VCAN: variants seen among roughly 807,000 people sequenced by gnomAD.
VCAN encodes versican core protein.
Under a neutral mutation model 245.5 loss-of-function variants are expected in VCAN, and 44 were observed. That is an observed-to-expected ratio of 0.18 (90% confidence interval 0.14 to 0.23). The LOEUF (loss-of-function observed/expected upper bound fraction) is 0.23, where lower values mean the gene tolerates loss of function less well. Among genes scored for constraint, VCAN ranks in the 10% least tolerant of loss-of-function variants. The probability of loss-of-function intolerance (pLI) is 1.00; values close to 1 mark genes in which losing one functional copy is unlikely to be tolerated. For missense variants in VCAN, 3,793 were observed against 4,057.9 expected (o/e 0.93, Z 1.77); for synonymous variants, 1,413 against 1,437.0 (o/e 0.98, Z 0.38).
intron 12 of VCAN, among the ~76,000 whole-genome samples, chr5:83,571,816 G>T (rs930219478): frequency 6.6e-6 from 1 of 152,100 alleles, no homozygotes; most frequent in Non-Finnish European, 1.5e-5. Context: ...AGCTTTGAAA[G>T]GTTGTATATA....
chr5:83,556,182 GA>G (rs1372266583), intron 12 of VCAN, among the ~76,000 whole-genome samples: 1 of 152,130 alleles, frequency 6.6e-6, no homozygotes, highest in African/African-American at 2.4e-5. Context: ...TAACTTTTAA[GA>G]GAGGCAATGG....
intron 13 of VCAN, among the ~76,000 whole-genome samples, chr5:83,579,131 A>T (rs919005640): frequency 4.6e-5 from 7 of 152,326 alleles, no homozygotes; most frequent in Admixed American, 2.0e-4. Flanking sequence ...AATACAGAAG[A>T]CAAAAAAGAG....
At chr5:83,510,842 T>TA (rs1198670529) in intron 5 of VCAN, among the ~76,000 whole-genome samples, 7 of 152,028 alleles carry the variant, frequency 4.6e-5, no homozygotes, top group African/African-American at 1.7e-4. Context: ...ATCAGCAAAT[T>TA]AAAAAACCTC....
chr5:83,519,271 G>A (rs572300077), intron 6 of VCAN, 78 bp from the exon 7 acceptor site: 1 of 1,481,420 alleles, frequency 6.8e-7, no homozygotes, highest in Admixed American at 1.8e-5. Context: ...AAAATACTCA[G>A]GAGCACTTAA....
At chr5:83,578,796 A>G (rs2112508829) in intron 13 of VCAN, among the ~76,000 whole-genome samples, 1 of 152,288 alleles carries the variant, frequency 6.6e-6, no homozygotes, top group African/African-American at 2.4e-5. Flanking sequence ...CTTAGGGAAA[A>G]TTATATTTAA....
rs775892313 is a variant in VCAN at position 83,520,950 on chromosome 5, A to G, written c.2644A>G (p.Arg882Gly). 6.2e-7 allele frequency: 1 copy of G among 1,614,174 alleles called. No homozygotes were observed. Among genetic ancestry groups the G allele is most frequent in the Admixed American group, 1.7e-5 (1 of 60,026 alleles). ...DIAAHGKFTI[R>G]FQPTTSTGIA... Reference sequence around the variant, plus strand: ...AGCAGCCCATGGAAAATTCACAATTAGATTTCAGCCAACTACATCAACTGG... The same window carrying G: ...AGCAGCCCATGGAAAATTCACAATTGGATTTCAGCCAACTACATCAACTGG... The change falls in exon 7 of 15, where the codon AGA becomes GGA. Residue 882 changes from arginine (R) to glycine (G), a missense_variant. Arg to Gly is a moderately radical substitution (Grantham distance 125). This residue lies in a region of VCAN where 3,182 missense variants were observed against 3,250.3 expected (regional missense o/e 0.98). Transcript: ENST00000265077.
chr5:83,576,203 A>G (rs1389570974), intron 13 of VCAN, among the ~76,000 whole-genome samples: 6 of 152,110 alleles, frequency 3.9e-5, no homozygotes, highest in Non-Finnish European at 5.9e-5. Flanking sequence ...CTCCCACCAG[A>G]GATAATGACT....
Position 83,538,684 on chromosome 5 carries a change from T to G in VCAN, c.5681T>G (p.Val1894Gly). 6.2e-7 allele frequency: 1 copy of G among 1,613,882 alleles called. No individual in the cohort carries two copies. The highest frequency in any genetic ancestry group is 8.5e-7 in the Non-Finnish European group (1 of 1,179,918). ...GTTTTGAGTACAGTAATGGACAGAGTAGTTGCTGAAAATATAACCCAAACA... is the reference window on the plus strand; with the variant it reads ...GTTTTGAGTACAGTAATGGACAGAGGAGTTGCTGAAAATATAACCCAAACA... ...GLVLSTVMDRVVAENITQTSR... is the reference protein window; with the variant it reads ...GLVLSTVMDRGVAENITQTSR... The change falls in exon 8 of 15, where the codon GTA (valine) becomes GGA (glycine). Residue 1894 changes from valine to glycine, a missense_variant. Val to Gly is a moderately radical substitution (Grantham distance 109). Coordinates refer to ENST00000265077, the MANE Select transcript of VCAN (RefSeq NM_004385.5).
At chr5:83,478,079 A>C (rs1416298045) in intron 1 of VCAN, among the ~76,000 whole-genome samples, 1 of 150,386 alleles carries the variant, frequency 6.6e-6, no homozygotes, top group East Asian at 2.0e-4. Flanking sequence ...AGTAGCTGGG[A>C]TTATGGGCAC....
At chr5:83,555,108 T>G in intron 12 of VCAN, 70 bp downstream of exon 12, 6 of 1,463,034 alleles carry the variant, frequency 4.1e-6, no homozygotes, top group Non-Finnish European at 5.7e-6. Flanking sequence ...TGATTGTGCA[T>G]TACAGAGGGT....
intron 12 of VCAN, among the ~76,000 whole-genome samples, chr5:83,562,943 T>C (rs1018752606): frequency 2.0e-5 from 3 of 152,198 alleles, no homozygotes; most frequent in African/African-American, 7.2e-5. Flanking sequence ...AGATTAGTGC[T>C]GTTCTCAAGA....
At chr5:83,559,684 C>G (rs1747796570) in intron 12 of VCAN, among the ~76,000 whole-genome samples, 1 of 152,150 alleles carries the variant, frequency 6.6e-6, no homozygotes, top group African/African-American at 2.4e-5. Flanking sequence ...CTCCACCCAT[C>G]CTAACTCAGG....
At chr5:83,512,576 C>T in intron 6 of VCAN, 180 bp downstream of exon 6, 1 of 815,870 alleles carries the variant, frequency 1.2e-6, no homozygotes, top group South Asian at 1.9e-5. Context: ...GTTAAAACCA[C>T]AGGAATTTTG....
intron 12 of VCAN, among the ~76,000 whole-genome samples, chr5:83,567,370 G>A (rs894158224): frequency 1.3e-5 from 2 of 151,972 alleles, no homozygotes; most frequent in Non-Finnish European, 2.9e-5. Context: ...GTGCGATCTT[G>A]GCTCACTGCA....
intron 8 of VCAN, among the ~76,000 whole-genome samples, chr5:83,544,568 CCA>C (rs1747131828): frequency 6.6e-6 from 1 of 152,082 alleles, no homozygotes; most frequent in South Asian, 2.1e-4. Context: ...TGGGTGTATT[CCA>C]TAGATAATCT....
At chr5:83,525,687 A>G (rs1171492170) in intron 7 of VCAN, among the ~76,000 whole-genome samples, 1 of 152,118 alleles carries the variant, frequency 6.6e-6, no homozygotes, top group Non-Finnish European at 1.5e-5. Context: ...CTGGTTTTGT[A>G]ATTTGTATCT....
At chr5:83,491,565 T>TTCTC (rs143570594) in intron 3 of VCAN, among the ~76,000 whole-genome samples, 1 of 150,182 alleles carries the variant, frequency 6.7e-6, no homozygotes, top group African/African-American at 2.4e-5. Flanking sequence ...CTACTGTGAT[T>TTCTC]TCTCTCTCTC....
intron 1 of VCAN, among the ~76,000 whole-genome samples, chr5:83,478,890 A>G (rs1295157746): frequency 6.6e-6 from 1 of 152,192 alleles, no homozygotes; most frequent in African/African-American, 2.4e-5. Flanking sequence ...AAATGGTGAT[A>G]TGTGCTAGGA....
chr5:83,513,205 T>A (rs762387734), intron 6 of VCAN, among the ~76,000 whole-genome samples: 2 of 152,222 alleles, frequency 1.3e-5, no homozygotes, highest in African/African-American at 4.8e-5. Context: ...GAATATTTAC[T>A]GAACCATCTA....
Sources: gnomAD v4.1 joint callset for allele counts (sites outside exome capture counted in the v4.1 genomes callset) on GRCh38, gnomAD v4.1.1 for gene constraint, gnomAD v4.1.1 regional missense constraint, MANE v1.5 for transcripts, NCBI Gene and HGNC (gene_info 2026-07-23, HGNC 2026-07-21) for gene names.